The following LAMB4 variants were observed in gnomAD, a reference collection of about 807,000 sequenced individuals.
LAMB4 encodes the protein laminin subunit beta 4.
LAMB4 carries 196 observed loss-of-function variants against 199.2 expected under a neutral mutation model. The ratio of observed to expected loss-of-function variants is 0.98; its 90% confidence interval spans 0.88 to 1.11. The LOEUF is 1.11. LAMB4 is among the 50% of genes least tolerant of loss of function. The probability of loss-of-function intolerance (pLI) is 0.00; values close to 1 mark genes in which losing one functional copy is unlikely to be tolerated. For synonymous variants in LAMB4, 744 were observed against 770.6 expected (o/e 0.97, Z 0.57); for missense variants, 2,080 against 2,171.2 (o/e 0.96, Z 0.83).
At chr7:108,074,604 A>G (rs963476509) in intron 17 of LAMB4, among the ~76,000 whole-genome samples, 2 of 152,038 alleles carry the variant, frequency 1.3e-5, no homozygotes, top group Non-Finnish European at 2.9e-5. Flanking sequence ...CCTGGCCTCA[A>G]GTGGTCTGCT....
intron 22 of LAMB4, 105 bp from the exon 23 acceptor site, chr7:108,063,099 G>A: frequency 3.1e-6 from 2 of 642,102 alleles, no homozygotes; most frequent in Non-Finnish European, 5.1e-6. Context: ...TTCTCCAAGG[G>A]GCTCAAAGAA....
In LAMB4 at chr7:108,103,043, C is replaced by G; in HGVS notation, c.1180+1G>C. On this transcript the variant is annotated splice_donor_variant, in intron 10 of 33. Coordinates refer to ENST00000388781, the MANE Select transcript of LAMB4 (RefSeq NM_007356.3). LOFTEE classifies it high-confidence loss of function. ...GGATCCAGGCAGACCCGGGGACTCACGAATGCACGCGTAGGGATCTGAGAT... is the reference window on the plus strand; with the variant it reads ...GGATCCAGGCAGACCCGGGGACTCAGGAATGCACGCGTAGGGATCTGAGAT... 1 of 1,573,836 alleles carries G rather than the reference C, an allele frequency of 6.4e-7. No homozygotes were observed. Among genetic ancestry groups the G allele is most frequent in the African/African-American group, 1.3e-5 (1 of 74,398 alleles).
chr7:108,025,398 TTTCTTTC>T (rs1563024647), intron 33 of LAMB4, among the ~76,000 whole-genome samples: 2 of 132,902 alleles, frequency 1.5e-5, no homozygotes. Flanking sequence ...CTTTTCTTTC[TTTCTTTC>T]TTTCTTTCTT....
chr7:108,098,032 G>A (rs1457956183), intron 11 of LAMB4, among the ~76,000 whole-genome samples: 1 of 152,126 alleles, frequency 6.6e-6, no homozygotes, highest in East Asian at 1.9e-4. Flanking sequence ...AGGATTCTTA[G>A]GTATTCATGA....
At chr7:108,044,438 TG>T (rs1487665721) in intron 28 of LAMB4, among the ~76,000 whole-genome samples, 8 of 152,184 alleles carry the variant, frequency 5.3e-5, no homozygotes, top group Admixed American at 2.0e-4. Flanking sequence ...TTTGTACTCT[TG>T]GTAGAGGAAT....
chr7:108,076,845 G>T, intron 17 of LAMB4, 99 bp downstream of exon 17: 1 of 1,354,226 alleles, frequency 7.4e-7, no homozygotes, highest in Non-Finnish European at 1.0e-6. Flanking sequence ...GAGCAAATAC[G>T]TTTACATTTT....
At chr7:108,115,976 C>T (rs937358219) in intron 3 of LAMB4, 28 bp downstream of exon 3, 5 of 1,599,332 alleles carry the variant, frequency 3.1e-6, no homozygotes, top group Non-Finnish European at 4.3e-6. Context: ...AAATAATGTC[C>T]CAGCAAATAA....
At chr7:108,024,245 A>G (rs2034758458) in intron 33 of LAMB4, 67 bp from the exon 34 acceptor site, 1 of 885,258 alleles carries the variant, frequency 1.1e-6, no homozygotes, top group African/African-American at 1.7e-5. Context: ...TACCTACATT[A>G]TACCAAACAC....
chr7:108,078,534 C>A (rs1179795545), intron 15 of LAMB4, among the ~76,000 whole-genome samples: 2 of 152,220 alleles, frequency 1.3e-5, no homozygotes, highest in Non-Finnish European at 2.9e-5. Flanking sequence ...CATTGTTTCT[C>A]ATGGGCTCAT....
At position 108,069,615 on chromosome 7, in the gene LAMB4, G is replaced by A. The variant is rs147102709; in HGVS notation, c.2302+93C>T. The stretch of plus-strand genomic sequence containing the variant: ...TTGAGTGATGGGTATTTTGGTTGTT[G>A]TTTGGAGTGGATGCTAACATAAATT... On this transcript the variant is annotated intron_variant, in intron 18 of 33. Transcript: ENST00000388781. 233 of 1,213,204 alleles carry A rather than the reference G, an allele frequency of 1.9e-4. 1 individual carries two copies. The African/African-American group carries it at 2.8e-3, about 15-fold the overall frequency. 75.2% of individuals were successfully genotyped at this position (1,213,204 alleles called of 1,614,324 possible).
At chr7:108,034,996 A>T (rs1279894988) in intron 30 of LAMB4, among the ~76,000 whole-genome samples, 1 of 152,210 alleles carries the variant, frequency 6.6e-6, no homozygotes, top group African/African-American at 2.4e-5. Context: ...TTGCAGAAGC[A>T]TCATTAGAAA....
rs1035651071 is a variant in LAMB4, at chr7:108,092,770, G to A, written c.1471-354C>T. Among the ~76,000 whole-genome samples, 4 of 152,120 alleles carry A rather than the reference G, an allele frequency of 2.6e-5. No individual in the cohort carries two copies. The South Asian group carries it at 8.3e-4, about 32-fold the overall frequency. ...AAAAATACAAAAATTGCCTGGGTGT[G>A]GTGCATGCCTGTAGTCCCAGCTACT... On this transcript the variant is annotated intron_variant, in intron 12 of 33. Coordinates refer to ENST00000388781, the MANE Select transcript of LAMB4 (RefSeq NM_007356.3).
intron 21 of LAMB4, among the ~76,000 whole-genome samples, chr7:108,065,095 A>G (rs1268833774): frequency 6.6e-6 from 1 of 151,972 alleles, no homozygotes; most frequent in East Asian, 1.9e-4. Context: ...CTCTGTGGAG[A>G]CAGGGTCTTG....
intron 17 of LAMB4, among the ~76,000 whole-genome samples, chr7:108,072,347 T>C (rs2036561645): frequency 6.6e-6 from 1 of 152,190 alleles, no homozygotes; most frequent in African/African-American, 2.4e-5. Context: ...CATGTACGCA[T>C]TGAAGTCTGA....
At chr7:108,066,698 A>T in intron 19 of LAMB4, 98 bp from the exon 20 acceptor site, 1 of 753,734 alleles carries the variant, frequency 1.3e-6, no homozygotes, top group Non-Finnish European at 2.2e-6. Context: ...TCCCAATCCC[A>T]GTGAACTAAG....
chr7:108,048,157 G>C, intron 27 of LAMB4, 46 bp from the exon 28 acceptor site: 49 of 649,490 alleles, frequency 7.5e-5, no homozygotes, highest in Non-Finnish European at 1.1e-4. Context: ...TGTTGTCAGA[G>C]CTTTTTTTTT....
intron 14 of LAMB4, among the ~76,000 whole-genome samples, chr7:108,080,528 C>G (rs1383436420): frequency 6.6e-6 from 1 of 152,154 alleles, no homozygotes; most frequent in East Asian, 1.9e-4. Context: ...CCAAGCATCT[C>G]AAACTCTTTC....
intron 10 of LAMB4, 87 bp from the exon 11 acceptor site, chr7:108,098,669 C>G (rs1372797960): frequency 6.2e-6 from 7 of 1,122,914 alleles, no homozygotes; most frequent in Non-Finnish European, 8.8e-6. Context: ...CATGCTATAA[C>G]TATCTTGCTT....
chr7:108,024,127 T>C lies in LAMB4; in HGVS notation c.5198A>G (p.Asp1733Gly), dbSNP rs1186798706. ...TTGATCTTCCAATATTCTCAGTTGA[T>C]CAGCTTTTGCTTGTCTACTTAGATT... ...DLNLSRQAKA[D>G]QLRILEDQVV... The change falls in exon 34 of 34, where the codon GAT becomes GGT. Residue 1733 changes from aspartate (D) to glycine (G), a missense_variant. Coordinates refer to ENST00000388781, the MANE Select transcript of LAMB4 (RefSeq NM_007356.3). 3 of 1,601,364 alleles carry C rather than the reference T, an allele frequency of 1.9e-6. No homozygotes were observed. The highest frequency in any genetic ancestry group is 2.6e-6 in the Non-Finnish European group (3 of 1,171,784).
Sources: allele counts gnomAD v4.1 joint callset (sites outside exome capture counted in the v4.1 genomes callset), GRCh38; gene constraint gnomAD v4.1.1; transcripts MANE v1.5; gene names NCBI Gene and HGNC (gene_info 2026-07-23, HGNC 2026-07-21).